The following PPFIBP2 variants were observed in gnomAD, a reference collection of about 807,000 sequenced individuals.
The protein encoded by PPFIBP2 is liprin-beta-2.
A neutral mutation model predicts 118.3 loss-of-function variants in PPFIBP2; 118 were observed. That is an observed-to-expected ratio of 1.00 (90% CI 0.86 to 1.16). The LOEUF is 1.16. Among genes scored for constraint, PPFIBP2 ranks in the 50% most tolerant of loss-of-function variants. PPFIBP2 has a pLI of 0.00. For synonymous variants in PPFIBP2, 414 were observed against 397.4 expected (o/e 1.04, Z -0.50); for missense variants, 1,195 against 1,073.1 (o/e 1.11, Z -1.59).
At chr11:7,516,556 G>A (rs533181595) in intron 1 of PPFIBP2, among the ~76,000 whole-genome samples, 5 of 152,258 alleles carry the variant, frequency 3.3e-5, no homozygotes, top group Admixed American at 6.5e-5. Flanking sequence ...AACATGAGGC[G>A]GTGTGGGGCA....
chr11:7,560,764 A>AG (rs1476427285), intron 2 of PPFIBP2, among the ~76,000 whole-genome samples: 1 of 152,224 alleles, frequency 6.6e-6, no homozygotes, highest in African/African-American at 2.4e-5. Flanking sequence ...ACAGTGTATG[A>AG]GGGTACCCTT....
chr11:7,552,681 T>C (rs532622723), intron 2 of PPFIBP2, among the ~76,000 whole-genome samples: 2 of 152,330 alleles, frequency 1.3e-5, no homozygotes, highest in South Asian at 4.1e-4. Context: ...GGTCTTAGCA[T>C]GGCTTGGCTT....
intron 8 of PPFIBP2, 138 bp from the exon 9 acceptor site, chr11:7,628,147 C>T (rs1850269234): frequency 3.2e-6 from 2 of 631,376 alleles, no homozygotes; most frequent in Non-Finnish European, 5.4e-6. Flanking sequence ...TAGCAGACAC[C>T]ATCCCGGCCT....
chr11:7,601,307 T>G (rs1233388131), intron 5 of PPFIBP2, among the ~76,000 whole-genome samples: 2 of 152,140 alleles, frequency 1.3e-5, no homozygotes, highest in African/African-American at 4.8e-5. Flanking sequence ...AGAAGACCTC[T>G]CTTGGGGTTA....
intron 21 of PPFIBP2, 33 bp from the exon 22 acceptor site, chr11:7,650,807 C>CT (rs758603698): frequency 1.2e-6 from 2 of 1,609,800 alleles, no homozygotes; most frequent in Non-Finnish European, 1.7e-6. Context: ...CCTATTAAGC[C>CT]TAACTTCCTC....
the PPFIBP2 span, among the ~76,000 whole-genome samples, chr11:7,664,130 G>A: frequency 6.6e-6 from 1 of 152,226 alleles, no homozygotes; most frequent in Non-Finnish European, 1.5e-5. Context: ...GCTGGGAGCT[G>A]TAGACCGGAG....
intron 2 of PPFIBP2, among the ~76,000 whole-genome samples, chr11:7,550,297 C>T (rs143241491): frequency 6.6e-6 from 1 of 152,186 alleles, no homozygotes; most frequent in Non-Finnish European, 1.5e-5. Flanking sequence ...TGGAACTTTG[C>T]TCTTCATTGT....
intron 3 of PPFIBP2, among the ~76,000 whole-genome samples, chr11:7,578,775 G>A (rs1856823846): frequency 6.6e-6 from 1 of 152,194 alleles, no homozygotes; most frequent in African/African-American, 2.4e-5. Flanking sequence ...TGAAAGAGCA[G>A]TAAGAATGAG....
rs542648445 is a variant in PPFIBP2, at chr11:7,616,730, G to C, written c.619-4205G>C. 1.6e-4 allele frequency among the ~76,000 whole-genome samples: 24 copies of C among 152,062 alleles called. No individual in the cohort carries two copies. Among genetic ancestry groups the C allele is most frequent in the African/African-American group, 5.8e-4 (24 of 41,452 alleles). On this transcript the variant is annotated intron_variant, in intron 6 of 23. Coordinates refer to ENST00000299492, the MANE Select transcript of PPFIBP2 (RefSeq NM_003621.5). The surrounding 1 kb of genome is among the most constrained non-coding windows in gnomAD (Gnocchi z 5.2). ...TTGGGTGTTTGGGTAAGGGGAGTCG[G>C]TGTGTGTATCATGCATATGTGGAGA...
In PPFIBP2 at chr11:7,545,431, A is replaced by G. The variant is rs539737070; in HGVS notation, c.-36-4009A>G. ...GGTGACAGAGTGAGACCCTGTCTCA[A>G]ACAAAAACAAAAACAAAACAAAACA... On this transcript the variant is annotated intron_variant, in intron 1 of 23. Coordinates refer to ENST00000299492, the MANE Select transcript of PPFIBP2 (RefSeq NM_003621.5). Among the ~76,000 whole-genome samples the G allele has an allele frequency of 2.0e-5, 3 of 152,312 alleles. No individual in the cohort carries two copies. The East Asian group carries it at 5.8e-4, about 29-fold the overall frequency.
intron 10 of PPFIBP2, among the ~76,000 whole-genome samples, chr11:7,630,075 T>C (rs1353829018): frequency 1.3e-5 from 2 of 152,234 alleles, no homozygotes; most frequent in Non-Finnish European, 2.9e-5. Context: ...TCAGGGTTCT[T>C]ATGGGCATAG....
At chr11:7,604,478 ACCC>A in intron 5 of PPFIBP2, among the ~76,000 whole-genome samples, 1 of 129,776 alleles carries the variant, frequency 7.7e-6, no homozygotes, top group South Asian at 2.3e-4. Flanking sequence ...ACGCACACAC[ACCC>A]CCCCATACCT....
At chr11:7,660,604 T>G (rs1429367422), downstream of PPFIBP2, among the ~76,000 whole-genome samples, 1 of 150,870 alleles carries the variant, frequency 6.6e-6, no homozygotes, top group East Asian at 1.9e-4. Flanking sequence ...TGGTCTAAAA[T>G]TCTCTTTTTT....
At chr11:7,651,492 GC>G (rs1853996817) in intron 22 of PPFIBP2, 163 bp from the exon 23 acceptor site, 11 of 614,550 alleles carry the variant, frequency 1.8e-5, no homozygotes, top group Non-Finnish European at 3.1e-5. Context: ...TCAGAGCCAG[GC>G]CCTGTGCCAG....
chr11:7,593,160 G>A lies in PPFIBP2; in HGVS notation c.308G>A (p.Ser103Asn). Residue 103 changes from serine to asparagine, a missense_variant, in exon 4 of 24, where the codon AGT becomes AAT. Ser to Asn is a conservative substitution (Grantham distance 46, BLOSUM62 1). Coordinates refer to ENST00000299492, the MANE Select transcript of PPFIBP2 (RefSeq NM_003621.5). ...LSQVNHHSAA[S>N]NETYQERLAR... Reference sequence around the variant, plus strand: ...CAGGTAAACCACCACAGTGCTGCTAGTAATGAAACCTACCAGGAACGCTTG... The same window carrying A: ...CAGGTAAACCACCACAGTGCTGCTAATAATGAAACCTACCAGGAACGCTTG... The A allele has an allele frequency of 1.2e-6, 2 of 1,614,044 alleles. No individual in the cohort carries two copies. Among genetic ancestry groups the A allele is most frequent in the Non-Finnish European group, 1.7e-6 (2 of 1,179,972 alleles).
At chr11:7,569,637 G>C (rs1384415121) in intron 3 of PPFIBP2, among the ~76,000 whole-genome samples, 1 of 152,172 alleles carries the variant, frequency 6.6e-6, no homozygotes, top group African/African-American at 2.4e-5. Flanking sequence ...CTGGGACCTG[G>C]CCTGCAGAGG....
the PPFIBP2 span, among the ~76,000 whole-genome samples, chr11:7,663,174 T>G: frequency 1.5e-5 from 2 of 132,004 alleles, 1 homozygote. Context: ...CATCCAGCTT[T>G]GTTCTGTTGT....
At chr11:7,559,919 G>A (rs1217426345) in intron 2 of PPFIBP2, among the ~76,000 whole-genome samples, 1 of 152,048 alleles carries the variant, frequency 6.6e-6, no homozygotes, top group African/African-American at 2.4e-5. Flanking sequence ...TTGGCTCCAT[G>A]TTAAAAAATA....
At chr11:7,531,842 T>G (rs2134347771) in intron 1 of PPFIBP2, among the ~76,000 whole-genome samples, 1 of 152,184 alleles carries the variant, frequency 6.6e-6, no homozygotes, top group South Asian at 2.1e-4. Flanking sequence ...ATTAATTTTT[T>G]TTTTCTTTTT....
Sources: gnomAD v4.1 joint callset for allele counts (sites outside exome capture counted in the v4.1 genomes callset) on GRCh38, gnomAD v4.1.1 for gene constraint, Gnocchi (gnomAD v3.1) non-coding constraint, MANE v1.5 for transcripts, NCBI Gene and HGNC (gene_info 2026-07-23, HGNC 2026-07-21) for gene names.